The following CFAP20DC variants were observed in gnomAD, a reference collection of about 807,000 sequenced individuals.
CFAP20DC encodes CFAP20 domain containing.
Under a neutral mutation model 101.7 loss-of-function variants are expected in CFAP20DC, and 84 were observed. The observed-to-expected ratio is 0.83, with a 90% CI of 0.69 to 0.99. The LOEUF is 0.99. CFAP20DC is among the 50% of genes least tolerant of loss of function. The probability of loss-of-function intolerance (pLI) is 0.00; values close to 1 mark genes in which losing one functional copy is unlikely to be tolerated. For synonymous variants in CFAP20DC, 359 were observed against 351.2 expected (o/e 1.02, Z -0.25); for missense variants, 1,007 against 970.3 (o/e 1.04, Z -0.50).
chr3:59,010,703 A>C (rs1364776316), intron 4 of CFAP20DC, among the ~76,000 whole-genome samples: 1 of 152,216 alleles, frequency 6.6e-6, no homozygotes. Flanking sequence ...ACTCTAGAAC[A>C]AATGGATTTC....
intron 15 of CFAP20DC, among the ~76,000 whole-genome samples, chr3:58,765,492 A>C (rs1209117184): frequency 7.0e-6 from 1 of 142,474 alleles, no homozygotes; most frequent in African/African-American, 2.7e-5. Flanking sequence ...AAAAAAACCA[A>C]AAAAAAAAAA....
intron 7 of CFAP20DC, 30 bp downstream of exon 7, chr3:58,884,515 C>A (rs1427558428): frequency 1.2e-6 from 2 of 1,603,164 alleles, no homozygotes; most frequent in African/African-American, 2.7e-5. Context: ...AGACATATTA[C>A]ACTTATAATT....
chr3:59,043,885 T>C (rs1699632720), intron 3 of CFAP20DC, among the ~76,000 whole-genome samples: 2 of 152,160 alleles, frequency 1.3e-5, no homozygotes, highest in South Asian at 4.1e-4. Context: ...CATAGTTTCA[T>C]AGTATGGCAA....
intron 11 of CFAP20DC, 105 bp downstream of exon 11, chr3:58,866,461 G>A (rs2079700056): frequency 3.4e-6 from 3 of 885,706 alleles, no homozygotes; most frequent in African/African-American, 3.5e-5. Flanking sequence ...ACACATTTTA[G>A]CAAATCGGCT....
intron 6 of CFAP20DC, among the ~76,000 whole-genome samples, chr3:58,905,186 G>T (rs1371755168): frequency 1.3e-5 from 2 of 152,010 alleles, no homozygotes; most frequent in Non-Finnish European, 2.9e-5. Flanking sequence ...CATCATCACT[G>T]GTGTATCATA....
intron 4 of CFAP20DC, among the ~76,000 whole-genome samples, chr3:59,037,339 C>G (rs1291794997): frequency 6.6e-6 from 1 of 151,874 alleles, no homozygotes; most frequent in East Asian, 1.9e-4. Context: ...TCAGAGTGAA[C>G]AGGCAACCTA....
At position 58,986,164 on chromosome 3, in the gene CFAP20DC, G is replaced by A. The variant is rs187156627; in HGVS notation, c.279-48402C>T. Among the ~76,000 whole-genome samples the A allele has an allele frequency of 5.3e-5, 8 of 152,262 alleles. No homozygotes were observed. The East Asian group carries it at 7.7e-4, about 15-fold the overall frequency. ...AGAAAAATGAACCTTCAATTCATAC[G>A]TAAGTTTGAAAGATAAAATAGGAAG... On this transcript the variant is annotated intron_variant, in intron 4 of 16. Transcript: ENST00000482387.
intron 6 of CFAP20DC, among the ~76,000 whole-genome samples, chr3:58,893,757 T>C (rs1340877667): frequency 6.6e-6 from 1 of 151,988 alleles, no homozygotes; most frequent in East Asian, 1.9e-4. Flanking sequence ...TGTGAATCCA[T>C]CTGTTCCTGG....
At chr3:58,951,560 T>C (rs1576457502) in intron 4 of CFAP20DC, among the ~76,000 whole-genome samples, 1 of 152,156 alleles carries the variant, frequency 6.6e-6, no homozygotes, top group Non-Finnish European at 1.5e-5. Context: ...ATATACACCA[T>C]GGAATACTAT....
chr3:58,985,996 T>C (rs1043542142), intron 4 of CFAP20DC, among the ~76,000 whole-genome samples: 1 of 152,222 alleles, frequency 6.6e-6, no homozygotes, highest in Non-Finnish European at 1.5e-5. Flanking sequence ...TCATTCCCAG[T>C]TCAGCCTGTA....
At chr3:58,845,840 G>A (rs931675382) in intron 13 of CFAP20DC, among the ~76,000 whole-genome samples, 8 of 151,008 alleles carry the variant, frequency 5.3e-5, no homozygotes, top group Non-Finnish European at 8.9e-5. Flanking sequence ...TCATCCCTGG[G>A]TTGCAAGGCT....
chr3:58,765,095 T>C (rs1575586700), intron 15 of CFAP20DC, among the ~76,000 whole-genome samples: 1 of 152,274 alleles, frequency 6.6e-6, no homozygotes. Context: ...ACAGTGGACA[T>C]TACCTGAGTA....
At chr3:58,816,356 C>T (rs376912050) in intron 14 of CFAP20DC, among the ~76,000 whole-genome samples, 4 of 152,176 alleles carry the variant, frequency 2.6e-5, no homozygotes, top group East Asian at 1.9e-4. Context: ...AGACGGGTGA[C>T]TTCTGCATTT....
chr3:59,032,759 C>T (rs2094020936), intron 4 of CFAP20DC, among the ~76,000 whole-genome samples: 1 of 152,168 alleles, frequency 6.6e-6, no homozygotes, highest in African/African-American at 2.4e-5. Flanking sequence ...GAAGGGGCGG[C>T]TGTGGGCACA....
intron 4 of CFAP20DC, among the ~76,000 whole-genome samples, chr3:59,036,486 C>A (rs1454778675): frequency 6.6e-6 from 1 of 152,156 alleles, no homozygotes; most frequent in African/African-American, 2.4e-5. Context: ...CATAAGCACT[C>A]CTATACACCA....
chr3:58,903,374 G>A (rs2083317790), intron 6 of CFAP20DC, among the ~76,000 whole-genome samples: 2 of 152,134 alleles, frequency 1.3e-5, no homozygotes, highest in African/African-American at 4.8e-5. Context: ...TGGATATACA[G>A]AATCATCTGT....
chr3:58,837,186 A>G (rs1214716926), intron 13 of CFAP20DC, among the ~76,000 whole-genome samples: 2 of 152,214 alleles, frequency 1.3e-5, no homozygotes, highest in Non-Finnish European at 2.9e-5. Context: ...AAGAGACCAG[A>G]TGGCTTCCCT....
At chr3:58,889,668 T>A (rs1268675832) in intron 6 of CFAP20DC, among the ~76,000 whole-genome samples, 1 of 140,668 alleles carries the variant, frequency 7.1e-6, no homozygotes, top group Non-Finnish European at 1.5e-5. Context: ...TGAACAAAGG[T>A]CTCTGGTTTT....
intron 15 of CFAP20DC, among the ~76,000 whole-genome samples, chr3:58,764,227 C>T (rs1439033615): frequency 6.6e-6 from 1 of 152,178 alleles, no homozygotes; most frequent in Non-Finnish European, 1.5e-5. Flanking sequence ...ACTCTAGCCT[C>T]AGCAATGGAG....
Sources: gnomAD v4.1 joint callset for allele counts (sites outside exome capture counted in the v4.1 genomes callset) on GRCh38, gnomAD v4.1.1 for gene constraint, MANE v1.5 for transcripts, NCBI Gene and HGNC (gene_info 2026-07-23, HGNC 2026-07-21) for gene names.